CNKSR2: variants seen among roughly 807,000 people sequenced by gnomAD.
CNKSR2 encodes the protein CNK homolog protein 2.
Under a neutral mutation model 84.4 loss-of-function variants are expected in CNKSR2, and 14 were observed. That is an observed-to-expected ratio of 0.17 (90% CI 0.11 to 0.26). CNKSR2 has a LOEUF of 0.26. CNKSR2 is among the 10% of genes least tolerant of loss of function. CNKSR2 has a pLI of 1.00. For missense variants in CNKSR2, 485 were observed against 771.2 expected (o/e 0.63, Z 4.40); for synonymous variants, 275 against 277.9 (o/e 0.99, Z 0.10).
chrX:21,429,302 A>C (rs984543343), intron 2 of CNKSR2: 1 of 112,146 alleles, frequency 8.9e-6, no homozygotes, highest in South Asian at 3.7e-4. Context: ...CATTTCATGT[A>C]TAAGTTTTTG....
intron 3 of CNKSR2, among the ~76,000 whole-genome samples, chrX:21,438,882 A>G (rs1269088307): frequency 8.9e-6 from 1 of 111,741 alleles, no homozygotes; most frequent in Non-Finnish European, 1.9e-5. Context: ...AGGTAAATCA[A>G]AAAAGAAGAA....
chrX:21,585,717 T>C (rs2092382871), intron 13 of CNKSR2, among the ~76,000 whole-genome samples: 1 of 111,476 alleles, frequency 9.0e-6, no homozygotes, highest in South Asian at 3.8e-4. Flanking sequence ...TGGCTAGTGG[T>C]ATGAATTCTT....
At chrX:21,641,510 G>C in intron 20 of CNKSR2, 1 of 1,171,947 alleles carries the variant, frequency 8.5e-7, no homozygotes, top group African/African-American at 1.8e-5. Context: ...TCATCATATT[G>C]TATCACTGCT....
intron 13 of CNKSR2, among the ~76,000 whole-genome samples, chrX:21,576,564 C>G: frequency 9.0e-6 from 1 of 111,240 alleles, no homozygotes; most frequent in East Asian, 2.8e-4. Flanking sequence ...AAACCAAAAG[C>G]TATGGGATTT....
At chrX:21,534,031 C>G (rs2091906943) in intron 11 of CNKSR2, among the ~76,000 whole-genome samples, 1 of 109,653 alleles carries the variant, frequency 9.1e-6, no homozygotes, top group Admixed American at 9.8e-5. Context: ...CAGAACTTAA[C>G]TTCTCTCATG....
chrX:21,631,035 A>G (rs1602056421), intron 20 of CNKSR2, among the ~76,000 whole-genome samples: 1 of 110,946 alleles, frequency 9.0e-6, no homozygotes, highest in Non-Finnish European at 1.9e-5. Flanking sequence ...TTTTTTAAAA[A>G]AAAAGAAAAA....
intron 18 of CNKSR2, among the ~76,000 whole-genome samples, chrX:21,602,794 T>C (rs980187438): frequency 8.9e-6 from 1 of 112,262 alleles, no homozygotes; most frequent in African/African-American, 3.2e-5. Context: ...TTTTCAGATT[T>C]CTTTAAAAGG....
chrX:21,480,597 T>C (rs772711385), intron 5 of CNKSR2, among the ~76,000 whole-genome samples: 1 of 111,749 alleles, frequency 8.9e-6, no homozygotes, highest in South Asian at 3.8e-4. Context: ...AATTGAGATT[T>C]TCCCAGATCC....
rs769409599 is a variant in CNKSR2, at chrX:21,604,070, C to A, written c.2045-2709C>A. Among the ~76,000 whole-genome samples, 12 of 111,847 alleles carry A rather than the reference C, an allele frequency of 1.1e-4. No individual in the cohort carries two copies. The South Asian group carries it at 3.7e-3, about 35-fold the overall frequency. ...ATCAGACTAGTTTTCATCCTCTAAGCAACAGTGTGTCTCTAATTTTCCACA... is the reference window on the plus strand; with the variant it reads ...ATCAGACTAGTTTTCATCCTCTAAGAAACAGTGTGTCTCTAATTTTCCACA... On this transcript the variant is annotated intron_variant, in intron 18 of 21. Transcript: ENST00000379510.
At chrX:21,398,840 C>T (rs774696930) in intron 1 of CNKSR2, among the ~76,000 whole-genome samples, 1 of 111,672 alleles carries the variant, frequency 9.0e-6, no homozygotes, top group South Asian at 3.7e-4. Context: ...GCTTGTTCCA[C>T]CCATTTGTAA....
chrX:21,557,647 A>G (rs1354491911), intron 11 of CNKSR2, among the ~76,000 whole-genome samples: 1 of 111,520 alleles, frequency 9.0e-6, no homozygotes, highest in Admixed American at 9.5e-5. Context: ...CAATTAATGC[A>G]TGCTTTATAC....
Position 21,374,623 on chromosome X carries a change from CAGCA to C in CNKSR2, c.-274_-271del, listed in dbSNP as rs1569131342. The stretch of plus-strand genomic sequence containing the variant: ...GCAGCAGCAGCAGCAGCAGCAGCAG[CAGCA>C]GCAGCCGCCGCCGCCGCCGCCTTAG... On this transcript the variant is annotated 5_prime_UTR_variant, in exon 1 of 22. Coordinates refer to ENST00000379510, the MANE Select transcript of CNKSR2 (RefSeq NM_014927.5). The C allele has an allele frequency of 2.7e-5, 14 of 511,865 alleles. No homozygotes were observed. Among genetic ancestry groups the C allele is most frequent in the African/African-American group, 7.0e-5 (3 of 43,012 alleles). 42.2% of individuals were successfully genotyped at this position (511,865 alleles called of 1,213,427 possible). A position where few individuals can be genotyped will look rare whatever the true frequency, so the allele number is the denominator to read the frequency against.
chrX:21,549,327 G>A (rs1462150929), intron 11 of CNKSR2, among the ~76,000 whole-genome samples: 1 of 111,637 alleles, frequency 9.0e-6, no homozygotes, highest in Non-Finnish European at 1.9e-5. Flanking sequence ...GCTACTAAGA[G>A]AATAAAATAC....
chrX:21,485,358 G>A (rs991779261), intron 5 of CNKSR2, among the ~76,000 whole-genome samples: 10 of 110,699 alleles, frequency 9.0e-5, no homozygotes, highest in Non-Finnish European at 1.7e-4. Flanking sequence ...ACATTAAAAT[G>A]TTGCTTTATT....
intron 10 of CNKSR2, among the ~76,000 whole-genome samples, chrX:21,529,915 A>G (rs1259378508): frequency 9.0e-6 from 1 of 111,010 alleles, no homozygotes; most frequent in African/African-American, 3.3e-5. Flanking sequence ...ATATAAATAT[A>G]GTATGTGTAT....
chrX:21,526,283 A>G (rs1439967220), intron 9 of CNKSR2, among the ~76,000 whole-genome samples: 2 of 111,452 alleles, frequency 1.8e-5, no homozygotes, highest in African/African-American at 3.2e-5. Flanking sequence ...GAAGACAGCT[A>G]TGCTTATTTT....
intron 11 of CNKSR2, among the ~76,000 whole-genome samples, chrX:21,558,690 A>G (rs1174525175): frequency 9.0e-6 from 1 of 111,165 alleles, no homozygotes; most frequent in Non-Finnish European, 1.9e-5. Context: ...AATTTCAGAG[A>G]TGACGCAAAA....
chrX:21,374,775 T>C lies in CNKSR2; in HGVS notation c.-123T>C. 3.3e-6 allele frequency: 2 copies of C among 610,320 alleles called. No individual in the cohort carries two copies. The highest frequency in any genetic ancestry group is 5.6e-6 in the Non-Finnish European group (2 of 360,196). 50.3% of individuals were successfully genotyped at this position (610,320 alleles called of 1,213,427 possible). On this transcript the variant is annotated 5_prime_UTR_variant, in exon 1 of 22. Transcript: ENST00000379510. Reference sequence around the variant, plus strand: ...CGAGACCCGACACACAAAAGCCGCTTTCTCCGCGCCGCCCGCCCAGGGAGG... The same window carrying C: ...CGAGACCCGACACACAAAAGCCGCTCTCTCCGCGCCGCCCGCCCAGGGAGG...
chrX:21,638,636 T>C (rs2092681568), intron 20 of CNKSR2, among the ~76,000 whole-genome samples: 1 of 111,761 alleles, frequency 8.9e-6, no homozygotes, highest in African/African-American at 3.2e-5. Context: ...TTAATAAATA[T>C]TTATTAAATA....
Sources: gnomAD v4.1 joint callset for allele counts (sites outside exome capture counted in the v4.1 genomes callset) on GRCh38, gnomAD v4.1.1 for gene constraint, MANE v1.5 for transcripts, NCBI Gene and HGNC (gene_info 2026-07-23, HGNC 2026-07-21) for gene names.